PNKD: variants seen among roughly 807,000 people sequenced by gnomAD.
PNKD encodes the protein PNKD metallo-beta-lactamase domain containing.
Under a neutral mutation model 45.3 loss-of-function variants are expected in PNKD, and 36 were observed. The observed-to-expected ratio is 0.80, with a 90% confidence interval of 0.61 to 1.05. The LOEUF (loss-of-function observed/expected upper bound fraction) is 1.05. Ranked by LOEUF, PNKD falls within the 50% of genes least tolerant of loss-of-function variation. The probability of loss-of-function intolerance (pLI) is 0.00; values close to 1 mark genes in which losing one functional copy is unlikely to be tolerated. For missense variants in PNKD, 511 were observed against 506.6 expected, an observed-to-expected ratio of 1.01 and a Z score of -0.08; for synonymous variants, 197 against 210.1, an observed-to-expected ratio of 0.94 and a Z score of 0.54.
chr2:218,295,153 G>A (rs939885777), intron 2 of PNKD, among the ~76,000 whole-genome samples: 3 of 152,192 alleles, frequency 2.0e-5, no homozygotes, highest in Non-Finnish European at 4.4e-5. Context: ...CACCTGAAGC[G>A]CCTGGCCCAG....
intron 2 of PNKD, chr2:218,276,131 GC>G (rs1256969184): frequency 6.3e-7 from 1 of 1,585,518 alleles, no homozygotes; most frequent in Non-Finnish European, 8.6e-7. Flanking sequence ...CAAACCACAG[GC>G]CCACAGGCCC....
intron 2 of PNKD, among the ~76,000 whole-genome samples, chr2:218,299,239 T>G (rs1229945411): frequency 6.6e-6 from 1 of 152,140 alleles, no homozygotes; most frequent in Non-Finnish European, 1.5e-5. Flanking sequence ...CGTCCGAGGT[T>G]TAAACGATTC....
intron 2 of PNKD, among the ~76,000 whole-genome samples, chr2:218,288,290 G>A (rs887071284): frequency 6.6e-6 from 1 of 152,212 alleles, no homozygotes; most frequent in Non-Finnish European, 1.5e-5. Flanking sequence ...TTAGCTGGAT[G>A]TGGTGGCGGA....
chr2:218,322,225 C>T (rs1408260985), intron 2 of PNKD, among the ~76,000 whole-genome samples: 1 of 152,188 alleles, frequency 6.6e-6, no homozygotes, highest in African/African-American at 2.4e-5. Context: ...CCTGGCCGAG[C>T]TTGACTCTTT....
chr2:218,278,390 ATCC>A (rs1470246660), intron 2 of PNKD: 29 of 1,005,828 alleles, frequency 2.9e-5, no homozygotes, highest in Non-Finnish European at 4.2e-5. Flanking sequence ...TGTCATCGTC[ATCC>A]TCCTCCTCAT....
rs765454285 is a variant in PNKD at position 218,340,719 on chromosome 2, C to T, written c.466-9C>T. On this transcript the variant is annotated splice_polypyrimidine_tract_variant and intron_variant, in intron 4 of 9. Transcript: ENST00000273077. This position sits in a 1 kb window ranked among gnomAD's most constrained non-coding sequence, Gnocchi z 4.2. ...GCTCCCCAGTCTCCAAACCTCCTCT[C>T]TCTCGCAGGCTTCCATTGAAAAGGA... 1.9e-6 allele frequency: 3 copies of T among 1,612,868 alleles called. No homozygotes were observed. In the Admixed American group the frequency reaches 5.0e-5, roughly 27 times the overall value.
chr2:218,284,962 C>A (rs527500167), intron 2 of PNKD, among the ~76,000 whole-genome samples: 7 of 152,242 alleles, frequency 4.6e-5, no homozygotes, highest in Non-Finnish European at 1.0e-4. Context: ...TGGCAGCAGG[C>A]GCCTAGAATC....
chr2:218,310,434 G>A (rs1693570845), intron 2 of PNKD, among the ~76,000 whole-genome samples: 1 of 151,846 alleles, frequency 6.6e-6, no homozygotes, highest in African/African-American at 2.4e-5. Context: ...ATATTGGCCA[G>A]GCTGGTCTCG....
rs200962786 is a variant in PNKD, at chr2:218,282,000, C to T, written c.236+10451C>T. ...GGCTGTGGGTAGCCAGCAGGGTGAC[C>T]GTAGCCAGGCTGCGGGTAGCCAGGG... On this transcript the variant is annotated intron_variant, in intron 2 of 9. Transcript: ENST00000273077. The T allele has an allele frequency of 1.6e-5, 25 of 1,607,012 alleles. No individual in the cohort carries two copies. The African/African-American group carries it at 2.4e-4, about 15-fold the overall frequency.
chr2:218,323,169 C>G lies in PNKD; in HGVS notation c.237-16614C>G, dbSNP rs553224650. ...GCGGGGCGGGGCCACAACGCCCCCA[C>G]GTCCAGAGCCGGCAGGCAGGTTCCC... On this transcript the variant is annotated intron_variant, in intron 2 of 9. Transcript: ENST00000273077. 2.5e-4 allele frequency: 335 copies of G among 1,364,892 alleles called. 2 individuals carry two copies. In the African/African-American group the frequency reaches 4.9e-3, roughly 20 times the overall value. 84.5% of individuals were successfully genotyped at this position (1,364,892 alleles called of 1,614,324 possible). A position where few individuals can be genotyped will look rare whatever the true frequency, so the allele number is the denominator to read the frequency against.
Position 218,270,544 on chromosome 2 carries a change from G to T in PNKD, c.9G>T (p.Ala3=). Residue 3 remains alanine (A), a synonymous_variant, in exon 1 of 10, where the codon GCG becomes GCT. Transcript: ENST00000273077. MA[A]VVAATALKGR... ...GGGGGTGGGATCTGAACATGGCGGC[G>T]GTGGTAGCTGCTACGGCGCTGAAGG... The T allele has an allele frequency of 1.6e-6, 2 of 1,237,012 alleles. No individual in the cohort carries two copies. Among genetic ancestry groups the T allele is most frequent in the Non-Finnish European group, 2.1e-6 (2 of 956,734 alleles). The allele number at this position is 1,237,012 out of a possible 1,614,324, so 76.6% of individuals were successfully genotyped here. A position where few individuals can be genotyped will look rare whatever the true frequency, so the allele number is the denominator to read the frequency against.
At chr2:218,290,042 G>A (rs79762347) in intron 2 of PNKD, 5,138 of 152,208 alleles carry the variant, frequency 0.034, 91 homozygotes, top group African/African-American at 0.041. Context: ...ATCAGCCCAC[G>A]TGGGGGAAAG....
In PNKD at chr2:218,334,567, C is replaced by G. The variant is rs1037363974; in HGVS notation, c.237-5216C>G. On this transcript the variant is annotated intron_variant, in intron 2 of 9. Transcript: ENST00000273077. Reference sequence around the variant, plus strand: ...ACTCAGGAGGCTGAGGCGGGAGGATCGCTTGAGCCCAGGACATTAAGGCTG... The same window carrying G: ...ACTCAGGAGGCTGAGGCGGGAGGATGGCTTGAGCCCAGGACATTAAGGCTG... 8 of 590,292 alleles carry G rather than the reference C, an allele frequency of 1.4e-5. No individual in the cohort carries two copies. The South Asian group carries it at 1.5e-4, about 11-fold the overall frequency. 36.6% of individuals were successfully genotyped at this position (590,292 alleles called of 1,614,324 possible).
intron 2 of PNKD, among the ~76,000 whole-genome samples, chr2:218,335,342 G>A (rs947470479): frequency 6.6e-6 from 1 of 151,964 alleles, no homozygotes; most frequent in Non-Finnish European, 1.5e-5. Context: ...TTAGACGGGC[G>A]TGGTGTCGCA....
At chr2:218,344,653 G>T (rs1694777646) in intron 9 of PNKD, 83 bp downstream of exon 9, 2 of 1,410,994 alleles carry the variant, frequency 1.4e-6, no homozygotes, top group Admixed American at 1.7e-5. Context: ...CCCCAGGCCT[G>T]CGAGCACCTC....
At chr2:218,329,904 A>T (rs1448343363) in intron 2 of PNKD, among the ~76,000 whole-genome samples, 6 of 152,204 alleles carry the variant, frequency 3.9e-5, no homozygotes, top group Non-Finnish European at 8.8e-5. Context: ...CAGGTCCCTC[A>T]GCTCTCAGAC....
rs970748667 is a variant in PNKD at position 218,277,767 on chromosome 2, A to C, written c.236+6218A>C. On this transcript the variant is annotated intron_variant, in intron 2 of 9. Transcript: ENST00000273077. ...TGGTGGCCTCTGCCAGAGCTGGGGA[A>C]CGCCACCAAGTTGGAAAGAGGCAGC... 5.7e-6 allele frequency: 9 copies of C among 1,574,468 alleles called. No homozygotes were observed. The East Asian group carries it at 1.6e-4, about 27-fold the overall frequency.
At chr2:218,334,656 G>T (rs2106287104) in intron 2 of PNKD, 7 of 701,426 alleles carry the variant, frequency 1.0e-5, no homozygotes, top group Non-Finnish European at 1.6e-5. Flanking sequence ...CCCAAAAAAA[G>T]AATTATAGAT....
chr2:218,333,725 T>C (rs746116759), intron 2 of PNKD, among the ~76,000 whole-genome samples: 2 of 152,050 alleles, frequency 1.3e-5, no homozygotes, highest in African/African-American at 4.8e-5. Flanking sequence ...CATAAGCCCA[T>C]GTAGCGAGAA....
Sources: gnomAD v4.1 joint callset for allele counts (sites outside exome capture counted in the v4.1 genomes callset) on GRCh38, gnomAD v4.1.1 for gene constraint, Gnocchi (gnomAD v3.1) non-coding constraint, MANE v1.5 for transcripts, NCBI Gene and HGNC (gene_info 2026-07-23, HGNC 2026-07-21) for gene names.